Variants in VWA2 observed in about 807,000 individuals in gnomAD.
VWA2 encodes the protein von Willebrand factor A domain containing 2, also known as von Willebrand factor A domain-containing protein 2.
A neutral mutation model predicts 70.4 loss-of-function variants in VWA2; 73 were observed. The ratio of observed to expected loss-of-function variants is 1.04; its 90% CI spans 0.86 to 1.26. The LOEUF is 1.26. Ranked by LOEUF, VWA2 falls within the 50% of genes most tolerant of loss-of-function variation. The pLI is 0.00. For missense variants in VWA2, 1,011 were observed against 998.5 expected, an observed-to-expected ratio of 1.01 and a Z score of -0.17; for synonymous variants, 407 against 423.3, an observed-to-expected ratio of 0.96 and a Z score of 0.47.
At chr10:114,285,073 C>A (rs2038696216) in intron 10 of VWA2, 103 bp downstream of exon 10, 1 of 914,800 alleles carries the variant, frequency 1.1e-6, no homozygotes, top group Non-Finnish European at 1.6e-6. Flanking sequence ...AGAAACTGGC[C>A]CTTGAACCAT....
At chr10:114,262,418 C>T (rs911432939) in intron 5 of VWA2, among the ~76,000 whole-genome samples, 2 of 151,820 alleles carry the variant, frequency 1.3e-5, no homozygotes, top group African/African-American at 4.8e-5. Flanking sequence ...ATATAATGTT[C>T]TTCACAAGCC....
intron 2 of VWA2, 80 bp from the exon 3 acceptor site, chr10:114,253,571 A>G: frequency 8.1e-7 from 1 of 1,241,906 alleles, no homozygotes; most frequent in South Asian, 1.3e-5. Flanking sequence ...TTACCTGTTT[A>G]GTCAAGTCAC....
In VWA2 at chr10:114,253,739, C is replaced by T; in HGVS notation, c.127+14C>T. 1 of 1,611,342 alleles carries T rather than the reference C, an allele frequency of 6.2e-7. No homozygotes were observed. Among genetic ancestry groups the T allele is most frequent in the South Asian group, 1.1e-5 (1 of 90,912 alleles). ...CTGCCAGCAAAAGTAAGCCCAGGTTCTTCTTAACCCTCCAGATGCCCACTC... is the reference window on the plus strand; with the variant it reads ...CTGCCAGCAAAAGTAAGCCCAGGTTTTTCTTAACCCTCCAGATGCCCACTC... On this transcript the variant is annotated intron_variant, in intron 3 of 13. Coordinates refer to ENST00000392982, the MANE Select transcript of VWA2 (RefSeq NM_001272046.2).
At chr10:114,280,059 G>A (rs527666015) in intron 8 of VWA2, among the ~76,000 whole-genome samples, 7 of 152,212 alleles carry the variant, frequency 4.6e-5, no homozygotes, top group African/African-American at 1.4e-4. Context: ...CCACTAGGGA[G>A]CGGTGAACTT....
At chr10:114,264,921 T>C (rs2037530522) in intron 5 of VWA2, among the ~76,000 whole-genome samples, 1 of 151,796 alleles carries the variant, frequency 6.6e-6, no homozygotes. Context: ...GGTTTTGCCA[T>C]GTTGGCTAGG....
rs570510812 is a variant in VWA2, at chr10:114,246,505, C to CAAAAAAAAAA, written c.-10-2188_-10-2179dup. The stretch of plus-strand genomic sequence containing the variant: ...AACAAGAGTGAAAGAAACTCCATCT[C>CAAAAAAAAAA]AAAAAAAAAAAAAAAAAAAACGAGT... On this transcript the variant is annotated intron_variant, in intron 1 of 13. Coordinates refer to ENST00000392982, the MANE Select transcript of VWA2 (RefSeq NM_001272046.2). 9.9e-5 allele frequency: 38 copies of CAAAAAAAAAA among 384,952 alleles called. 1 individual carries two copies. Among genetic ancestry groups the CAAAAAAAAAA allele is most frequent in the African/African-American group, 8.8e-4 (19 of 21,616 alleles). 23.8% of individuals were successfully genotyped at this position (384,952 alleles called of 1,614,324 possible).
chr10:114,256,410 G>C (rs1439677668), intron 4 of VWA2, among the ~76,000 whole-genome samples: 1 of 152,086 alleles, frequency 6.6e-6, no homozygotes, highest in South Asian at 2.1e-4. Context: ...ATGAAAATCT[G>C]TCTTTGTTTT....
intron 5 of VWA2, among the ~76,000 whole-genome samples, chr10:114,262,760 G>T (rs192260845): frequency 1.3e-5 from 2 of 152,120 alleles, no homozygotes; most frequent in Non-Finnish European, 2.9e-5. Context: ...TTCCTCTGCC[G>T]TCGAACAGAT....
At chr10:114,288,884 G>A (rs1353730937) in intron 11 of VWA2, 54 bp from the exon 12 acceptor site, 25 of 1,550,390 alleles carry the variant, frequency 1.6e-5, no homozygotes, top group Middle Eastern at 2.0e-4. Context: ...GGGTCCCGTC[G>A]AGGGGCTCTG....
intron 4 of VWA2, 144 bp downstream of exon 4, chr10:114,255,192 A>T (rs2037298085): frequency 1.1e-6 from 1 of 944,810 alleles, no homozygotes; most frequent in Non-Finnish European, 1.6e-6. Flanking sequence ...GCATGGTGGG[A>T]TCCAAGGGCT....
At chr10:114,248,656 C>A in intron 1 of VWA2, 48 bp from the exon 2 acceptor site, 1 of 1,552,252 alleles carries the variant, frequency 6.4e-7, no homozygotes, top group South Asian at 1.1e-5. Context: ...TTGGGGCGTT[C>A]ACAGAACTAA....
chr10:114,277,988 C>T lies in VWA2; in HGVS notation c.641C>T (p.Ala214Val). ...HVLLAEQVED[A>V]TNGLFSTLSS... ...CTGTTGGCTGAGCAGGTGGAGGATGCCACCAACGGCCTCTTCAGCACCCTC... is the reference window on the plus strand; with the variant it reads ...CTGTTGGCTGAGCAGGTGGAGGATGTCACCAACGGCCTCTTCAGCACCCTC... The change falls in exon 7 of 14, where the codon GCC becomes GTC. Residue 214 changes from alanine to valine, a missense_variant. Ala to Val is a moderately conservative substitution (Grantham distance 64). Coordinates refer to ENST00000392982, the MANE Select transcript of VWA2 (RefSeq NM_001272046.2). The T allele has an allele frequency of 2.5e-6, 4 of 1,613,158 alleles. No homozygotes were observed. Among genetic ancestry groups the T allele is most frequent in the Non-Finnish European group, 3.4e-6 (4 of 1,179,748 alleles).
chr10:114,240,929 A>G (rs1430893063), intron 1 of VWA2, among the ~76,000 whole-genome samples: 3 of 152,152 alleles, frequency 2.0e-5, no homozygotes, highest in Non-Finnish European at 4.4e-5. Flanking sequence ...CCATCAGTGT[A>G]TTTTCATTAA....
intron 11 of VWA2, among the ~76,000 whole-genome samples, chr10:114,287,140 G>A (rs952672276): frequency 1.3e-5 from 2 of 152,178 alleles, no homozygotes; most frequent in Non-Finnish European, 2.9e-5. Flanking sequence ...CTGTCCCCAC[G>A]CAGAGGCCTG....
At chr10:114,254,271 C>A (rs186590470) in intron 3 of VWA2, among the ~76,000 whole-genome samples, 9 of 151,962 alleles carry the variant, frequency 5.9e-5, no homozygotes, top group Admixed American at 2.0e-4. Context: ...GGGGTTTCGC[C>A]ATGTTACCCA....
At position 114,286,483 on chromosome 10, in the gene VWA2, G is replaced by A. The variant is rs771125605; in HGVS notation, c.1542G>A (p.Gln514=). The A allele has an allele frequency of 2.5e-6, 4 of 1,589,046 alleles. No homozygotes were observed. In the Admixed American group the frequency reaches 5.1e-5, roughly 20 times the overall value. Residue 514 remains glutamine (Q), a synonymous_variant, in exon 11 of 14, where the codon CAG becomes CAA. Transcript: ENST00000392982. ...QDLFNQIPEL[Q]GKLCSRQRPG... Reference sequence around the variant, plus strand: ...TGTTCAACCAAATCCCTGAGCTGCAGGGGAAGCTGTGCAGCCGGCAGCGGC... The same window carrying A: ...TGTTCAACCAAATCCCTGAGCTGCAAGGGAAGCTGTGCAGCCGGCAGCGGC...
At chr10:114,290,199 A>T in intron 12 of VWA2, 41 bp from the exon 13 acceptor site, 2 of 1,548,204 alleles carry the variant, frequency 1.3e-6, no homozygotes, top group Non-Finnish European at 1.7e-6. Context: ...GGTCTAACCC[A>T]TGCCTGGCCG....
intron 12 of VWA2, chr10:114,289,790 TC>T (rs994028967): frequency 2.3e-6 from 1 of 435,670 alleles, no homozygotes; most frequent in South Asian, 2.4e-5. Flanking sequence ...TTCCTAAGGG[TC>T]TAAAGATCCC....
chr10:114,244,911 G>A (rs554710782), intron 1 of VWA2, among the ~76,000 whole-genome samples: 1 of 152,300 alleles, frequency 6.6e-6, no homozygotes, highest in African/African-American at 2.4e-5. Flanking sequence ...AGCAAGCAAG[G>A]ACCTCCCCTA....
Sources: gnomAD v4.1 joint callset for allele counts (sites outside exome capture counted in the v4.1 genomes callset) on GRCh38, gnomAD v4.1.1 for gene constraint, MANE v1.5 for transcripts, NCBI Gene and HGNC (gene_info 2026-07-23, HGNC 2026-07-21) for gene names.